The following WHRN variants were observed in gnomAD, a reference collection of about 807,000 sequenced individuals.
WHRN encodes the protein CASK-interacting protein CIP98.
Under a neutral mutation model 68.3 loss-of-function variants are expected in WHRN, and 41 were observed. That is an observed-to-expected ratio of 0.60 (90% CI 0.47 to 0.78). The LOEUF is 0.78. Among genes scored for constraint, WHRN ranks in the 30% least tolerant of loss-of-function variants. WHRN has a pLI of 0.00. For missense variants in WHRN, 1,243 were observed against 1,244.7 expected (o/e 1.00, Z 0.02); for synonymous variants, 560 against 561.3 (o/e 1.00, Z 0.03).
chr9:114,492,885 C>T (rs1030514798), intron 1 of WHRN, among the ~76,000 whole-genome samples: 2 of 152,006 alleles, frequency 1.3e-5, no homozygotes, highest in Non-Finnish European at 2.9e-5. Flanking sequence ...GGCATGGTGG[C>T]GCAAGCCTGT....
intron 7 of WHRN, among the ~76,000 whole-genome samples, chr9:114,414,293 T>C (rs536587182): frequency 1.4e-4 from 21 of 152,384 alleles, no homozygotes; most frequent in African/African-American, 3.6e-4. Context: ...AACCCTGTTA[T>C]TGCTGTCCTA....
intron 7 of WHRN, 81 bp from the exon 8 acceptor site, chr9:114,408,099 G>A: frequency 8.2e-7 from 1 of 1,216,376 alleles, no homozygotes; most frequent in East Asian, 2.5e-5. Context: ...CACCAAAATT[G>A]AGGAAGTCTT....
At chr9:114,485,182 G>A (rs1280799120) in intron 1 of WHRN, among the ~76,000 whole-genome samples, 1 of 152,346 alleles carries the variant, frequency 6.6e-6, no homozygotes, top group East Asian at 1.9e-4. Context: ...CGGAAACAGA[G>A]ACTCAACAAC....
rs572609043 is a variant in WHRN at position 114,406,631 on chromosome 9, C to T, written c.1960G>A (p.Val654Ile). The change falls in exon 9 of 12, where the codon GTC becomes ATC. Residue 654 changes from valine to isoleucine, a missense_variant. By Grantham distance (29) the Val-to-Ile change is conservative. Coordinates refer to ENST00000362057, the MANE Select transcript of WHRN (RefSeq NM_015404.4). Reference protein sequence around the residue: ...DLPSSPIYASVSPANPSSKRP... With the variant: ...DLPSSPIYASISPANPSSKRP... ...TTGGAGCTGGGGTTGGCAGGGGAGA[C>T]GGAGGCATAGATGGGGGAAGAGGGC... is the stretch of plus-strand genomic sequence containing the variant. 70 of 1,611,736 alleles carry T rather than the reference C, an allele frequency of 4.3e-5. No individual in the cohort carries two copies. Among genetic ancestry groups the T allele is most frequent in the Middle Eastern group, 3.3e-4 (2 of 6,020 alleles).
At chr9:114,456,179 A>G (rs73553475) in intron 3 of WHRN, among the ~76,000 whole-genome samples, 332 of 152,048 alleles carry the variant, frequency 2.2e-3, no homozygotes, top group African/African-American at 7.7e-3. Context: ...AAGATCCAGG[A>G]AACTTTTGTG....
At chr9:114,427,920 G>C (rs1189989999) in intron 3 of WHRN, among the ~76,000 whole-genome samples, 1 of 152,198 alleles carries the variant, frequency 6.6e-6, no homozygotes, top group East Asian at 1.9e-4. Context: ...ATCTGCTCCT[G>C]TTCCATTTAG....
intron 1 of WHRN, among the ~76,000 whole-genome samples, chr9:114,498,139 A>G (rs1285804145): frequency 6.6e-6 from 1 of 152,134 alleles, no homozygotes; most frequent in Admixed American, 6.5e-5. Flanking sequence ...CATTCGGCAA[A>G]TATTTATTTA....
intron 3 of WHRN, among the ~76,000 whole-genome samples, chr9:114,427,362 G>A (rs1397209001): frequency 6.6e-6 from 1 of 152,192 alleles, no homozygotes; most frequent in Non-Finnish European, 1.5e-5. Flanking sequence ...GGGTTGAAAG[G>A]GAAGATGCTG....
chr9:114,443,309 C>G (rs144541184), intron 3 of WHRN, among the ~76,000 whole-genome samples: 1 of 152,218 alleles, frequency 6.6e-6, no homozygotes. Context: ...GGTCAGAAAT[C>G]TAACATAGGT....
At chr9:114,486,059 A>G (rs982254215) in intron 1 of WHRN, among the ~76,000 whole-genome samples, 1 of 152,080 alleles carries the variant, frequency 6.6e-6, no homozygotes, top group African/African-American at 2.4e-5. Context: ...GATTTAAGAA[A>G]CTGTAAACTG....
chr9:114,474,833 C>T (rs747301378), intron 2 of WHRN, among the ~76,000 whole-genome samples: 21 of 152,120 alleles, frequency 1.4e-4, no homozygotes, highest in African/African-American at 2.2e-4. Flanking sequence ...CTTAATAAGA[C>T]GCAGAATTGA....
intron 11 of WHRN, 68 bp from the exon 12 acceptor site, chr9:114,403,004 G>A: frequency 1.9e-6 from 3 of 1,559,764 alleles, no homozygotes; most frequent in Non-Finnish European, 2.6e-6. Flanking sequence ...ACCACCAACT[G>A]GGTCAGTCCC....
intron 7 of WHRN, among the ~76,000 whole-genome samples, chr9:114,419,264 T>G (rs368433960): frequency 0.011 from 1,619 of 152,208 alleles, 33 homozygotes; most frequent in African/African-American, 0.037. Context: ...ACAGCAGTAC[T>G]CACAACTCCT....
intron 3 of WHRN, among the ~76,000 whole-genome samples, chr9:114,459,094 C>T (rs1428605666): frequency 1.3e-5 from 2 of 152,136 alleles, no homozygotes; most frequent in Admixed American, 1.3e-4. Context: ...AACATTCATT[C>T]TTTACCTCAT....
rs114054789 is a variant in WHRN at position 114,479,784 on chromosome 9, C to T, written c.619-1013G>A. Among the ~76,000 whole-genome samples the T allele has an allele frequency of 5.7e-3, 862 of 152,278 alleles. 4 individuals are homozygous for T. The highest frequency in any genetic ancestry group is 0.02 in the African/African-American group (825 of 41,574). On this transcript the variant is annotated intron_variant, in intron 1 of 11. Transcript: ENST00000362057. ...GTGAGTAAGAAGTTCCTTTCTCAGC[C>T]GGGCGTGGTGGCTCACGCCTGTAAT...
intron 4 of WHRN, chr9:114,425,986 TAAAG>T (rs1421093512): frequency 8.0e-6 from 5 of 621,858 alleles, no homozygotes; most frequent in Non-Finnish European, 1.4e-5. Flanking sequence ...TGGGGACAAA[TAAAG>T]AATGAGACAG....
At chr9:114,423,570 A>G in intron 6 of WHRN, 47 bp from the exon 7 acceptor site, 1 of 1,546,762 alleles carries the variant, frequency 6.5e-7, no homozygotes, top group Non-Finnish European at 8.8e-7. Flanking sequence ...CGCTACTAGA[A>G]GGTGGAACAG....
At chr9:114,457,451 G>A (rs940803544) in intron 3 of WHRN, among the ~76,000 whole-genome samples, 2 of 152,060 alleles carry the variant, frequency 1.3e-5, no homozygotes, top group African/African-American at 4.8e-5. Context: ...GTAATTAACT[G>A]AATAAATAGA....
chr9:114,441,098 T>C (rs1453138275), intron 3 of WHRN, among the ~76,000 whole-genome samples: 2 of 152,236 alleles, frequency 1.3e-5, no homozygotes, highest in African/African-American at 4.8e-5. Flanking sequence ...ATAAATTCAG[T>C]AAGGCACTAT....
Sources: allele counts gnomAD v4.1 joint callset (sites outside exome capture counted in the v4.1 genomes callset), GRCh38; gene constraint gnomAD v4.1.1; transcripts MANE v1.5; gene names NCBI Gene and HGNC (gene_info 2026-07-23, HGNC 2026-07-21).